The following NPAS3 variants were observed in gnomAD, a reference collection of about 807,000 sequenced individuals.
NPAS3 encodes the protein neuronal PAS domain-containing protein 3.
NPAS3 carries 14 observed loss-of-function variants against 73.1 expected under a neutral mutation model. That is an observed-to-expected ratio of 0.19 (90% CI 0.13 to 0.30). The LOEUF (loss-of-function observed/expected upper bound fraction) is 0.30, where lower values mean the gene tolerates loss of function less well. NPAS3 is among the 10% of genes least tolerant of loss of function. The pLI, the probability that NPAS3 is intolerant of heterozygous loss-of-function variation, is 1.00. For missense variants in NPAS3, 1,096 were observed against 1,250.0 expected, an observed-to-expected ratio of 0.88 and a Z score of 1.86; for synonymous variants, 620 against 541.5, an observed-to-expected ratio of 1.14 and a Z score of -2.01.
intron 3 of NPAS3, among the ~76,000 whole-genome samples, chr14:33,257,710 C>G (rs1176881161): frequency 6.6e-6 from 1 of 152,098 alleles, no homozygotes; most frequent in African/African-American, 2.4e-5. Flanking sequence ...CACAATTCAC[C>G]ATTAACAGGT....
At chr14:33,392,162 C>T (rs965378926) in intron 4 of NPAS3, among the ~76,000 whole-genome samples, 1 of 152,148 alleles carries the variant, frequency 6.6e-6, no homozygotes, top group African/African-American at 2.4e-5. Flanking sequence ...TCCCTCTTGT[C>T]ACATATTCTA....
chr14:33,637,315 C>T (rs1027601637), intron 5 of NPAS3, among the ~76,000 whole-genome samples: 1 of 152,154 alleles, frequency 6.6e-6, no homozygotes, highest in East Asian at 1.9e-4. Context: ...TTTCTAATTT[C>T]ATAATAAAGA....
intron 4 of NPAS3, among the ~76,000 whole-genome samples, chr14:33,447,649 C>A (rs920300870): frequency 8.5e-5 from 13 of 152,112 alleles, no homozygotes; most frequent in African/African-American, 2.9e-4. Context: ...CAAAGTGGCA[C>A]ATACCTGTAA....
intron 3 of NPAS3, among the ~76,000 whole-genome samples, chr14:33,358,743 A>G (rs529428677): frequency 1.3e-5 from 2 of 152,338 alleles, no homozygotes; most frequent in Admixed American, 1.3e-4. Flanking sequence ...AGTGTCCAGC[A>G]CAGATAGGGG....
intron 4 of NPAS3, among the ~76,000 whole-genome samples, chr14:33,447,041 AG>A (rs1420557027): frequency 6.6e-6 from 1 of 152,248 alleles, no homozygotes; most frequent in Non-Finnish European, 1.5e-5. Flanking sequence ...TTATGAGCTA[AG>A]CAGGTGTCTT....
intron 5 of NPAS3, among the ~76,000 whole-genome samples, chr14:33,576,856 A>AGGC (rs1258721512): frequency 1.3e-5 from 2 of 152,232 alleles, no homozygotes; most frequent in African/African-American, 2.4e-5. Context: ...AGCAGAGAGT[A>AGGC]GGCCCTCAGA....
rs564768312 is a variant in NPAS3, at chr14:33,034,133, G to T, written c.51-21772G>T. On this transcript the variant is annotated intron_variant, in intron 1 of 11. Coordinates refer to ENST00000356141, the Ensembl canonical transcript of NPAS3. ...AGTGTTATTTTTATATGGGGTTAAT[G>T]GTTATTTCTTATTTGCTTTTTTTCA... is the stretch of plus-strand genomic sequence containing the variant. Among the ~76,000 whole-genome samples, 926 of 151,810 alleles carry T rather than the reference G, an allele frequency of 6.1e-3. 7 individuals are homozygous for T. The highest frequency in any genetic ancestry group is 9.7e-3 in the Non-Finnish European group (661 of 67,882).
intron 5 of NPAS3, among the ~76,000 whole-genome samples, chr14:33,663,061 C>A (rs61972995): frequency 6.6e-6 from 1 of 151,454 alleles, no homozygotes; most frequent in African/African-American, 2.4e-5. Context: ...ATTTGAATAC[C>A]CTTTATTTTT....
chr14:33,369,213 A>C (rs1566839133), intron 4 of NPAS3, among the ~76,000 whole-genome samples: 1 of 152,056 alleles, frequency 6.6e-6, no homozygotes, highest in Non-Finnish European at 1.5e-5. Flanking sequence ...CAGACACCAC[A>C]CTATGGTTGC....
chr14:33,155,794 T>G (rs2044624973), intron 2 of NPAS3, among the ~76,000 whole-genome samples: 1 of 152,200 alleles, frequency 6.6e-6, no homozygotes, highest in Non-Finnish European at 1.5e-5. Flanking sequence ...AGGCATATTT[T>G]TCTGTATTGA....
chr14:33,241,217 G>A lies in NPAS3; in HGVS notation c.385+25791G>A, dbSNP rs577965729. Among the ~76,000 whole-genome samples the A allele has an allele frequency of 2.0e-5, 3 of 151,972 alleles. No homozygotes were observed. The East Asian group carries it at 5.8e-4, about 29-fold the overall frequency. ...AAAACTAAGGCTATTGATTTACTTA[G>A]GTGTCCTAGAATCTTAGAAGCATTT... On this transcript the variant is annotated intron_variant, in intron 3 of 11. Transcript: ENST00000356141.
intron 3 of NPAS3, among the ~76,000 whole-genome samples, chr14:33,257,025 C>A (rs1352632955): frequency 6.6e-6 from 1 of 152,152 alleles, no homozygotes; most frequent in Non-Finnish European, 1.5e-5. Flanking sequence ...TGGCTTGTGG[C>A]TTGGATCCAC....
Position 33,031,794 on chromosome 14 carries a change from A to C in NPAS3, c.51-24111A>C, listed in dbSNP as rs1040314001. 4.6e-5 allele frequency among the ~76,000 whole-genome samples: 7 copies of C among 152,340 alleles called. No individual in the cohort carries two copies. The East Asian group carries it at 9.7e-4, about 21-fold the overall frequency. On this transcript the variant is annotated intron_variant, in intron 1 of 11. Coordinates refer to ENST00000356141, the Ensembl canonical transcript of NPAS3. ...TGGGATTACAGGTATGAGCCACTGT[A>C]CTTGGCCCTTGCCATGTGTTTTGTG...
intron 5 of NPAS3, among the ~76,000 whole-genome samples, chr14:33,615,375 C>T (rs563547315): frequency 6.6e-6 from 1 of 152,214 alleles, no homozygotes; most frequent in Admixed American, 6.5e-5. Context: ...GGAGCTGTGA[C>T]AGCAGCGACT....
At chr14:33,064,892 C>T (rs955533763) in intron 2 of NPAS3, among the ~76,000 whole-genome samples, 1 of 152,076 alleles carries the variant, frequency 6.6e-6, no homozygotes, top group African/African-American at 2.4e-5. Flanking sequence ...ACACCTGACT[C>T]GGCTGGGAAA....
At chr14:33,348,267 G>A (rs926176732) in intron 3 of NPAS3, among the ~76,000 whole-genome samples, 3 of 152,026 alleles carry the variant, frequency 2.0e-5, no homozygotes, top group South Asian at 4.2e-4. Context: ...TCATCCAGCC[G>A]CTCTCTCCCT....
intron 1 of NPAS3, among the ~76,000 whole-genome samples, chr14:33,023,869 A>G (rs747564004): frequency 2.0e-5 from 3 of 152,112 alleles, no homozygotes; most frequent in Admixed American, 6.5e-5. Context: ...GGTCTCACAT[A>G]GGCATACATT....
intron 2 of NPAS3, among the ~76,000 whole-genome samples, chr14:33,194,811 T>C (rs941793040): frequency 6.6e-5 from 10 of 152,128 alleles, no homozygotes; most frequent in Admixed American, 2.6e-4. Context: ...ATGGCTAAAA[T>C]AGGGGTTGGA....
chr14:33,710,316 T>C (rs2060782050), intron 6 of NPAS3, among the ~76,000 whole-genome samples: 1 of 152,160 alleles, frequency 6.6e-6, no homozygotes, highest in African/African-American at 2.4e-5. Flanking sequence ...AGAGTTTGTA[T>C]CTGAGAAATT....
Sources: allele counts gnomAD v4.1 joint callset (sites outside exome capture counted in the v4.1 genomes callset), GRCh38; gene constraint gnomAD v4.1.1; transcripts MANE v1.5; gene names NCBI Gene and HGNC (gene_info 2026-07-23, HGNC 2026-07-21).